Variants in CCDC171 observed in about 807,000 individuals in gnomAD.
CCDC171 encodes the protein coiled-coil domain containing 171, also known as coiled-coil domain-containing protein 171.
Under a neutral mutation model 168.2 loss-of-function variants are expected in CCDC171, and 177 were observed. The observed-to-expected ratio is 1.05, with a 90% confidence interval of 0.93 to 1.19. CCDC171 has a LOEUF of 1.19. Ranked by LOEUF, CCDC171 falls within the 50% of genes most tolerant of loss-of-function variation. The probability of loss-of-function intolerance (pLI) is 0.00; values close to 1 mark genes in which losing one functional copy is unlikely to be tolerated. For synonymous variants in CCDC171, 687 were observed against 540.8 expected, an observed-to-expected ratio of 1.27 and a Z score of -3.75; for missense variants, 1,991 against 1,539.0, an observed-to-expected ratio of 1.29 and a Z score of -4.91.
rs1167702586 is a variant in CCDC171, at chr9:15,770,014, A to G, written c.2672-7586A>G. 5.3e-5 allele frequency among the ~76,000 whole-genome samples: 8 copies of G among 152,210 alleles called. No individual in the cohort carries two copies. In the East Asian group the frequency reaches 1.5e-3, roughly 29 times the overall value. Reference sequence around the variant, plus strand: ...CAAAGATGAACTCATTGACTTTAGGACAAAAAAACTTACCACACTAGATTT... The same window carrying G: ...CAAAGATGAACTCATTGACTTTAGGGCAAAAAAACTTACCACACTAGATTT... On this transcript the variant is annotated intron_variant, in intron 18 of 25. Transcript: ENST00000380701.
intron 6 of CCDC171, among the ~76,000 whole-genome samples, chr9:15,604,846 A>C (rs560891977): frequency 3.3e-5 from 5 of 152,230 alleles, no homozygotes; most frequent in African/African-American, 4.8e-5. Context: ...ATAGTATGCA[A>C]ATACACACAG....
intron 25 of CCDC171, among the ~76,000 whole-genome samples, chr9:15,942,726 C>T (rs575747768): frequency 1.3e-5 from 2 of 151,810 alleles, no homozygotes; most frequent in African/African-American, 4.8e-5. Context: ...ATCATAATTT[C>T]TGCAACAGAT....
chr9:15,564,031 A>C lies in CCDC171; in HGVS notation c.-58A>C, dbSNP rs1396895076. On this transcript the variant is annotated 5_prime_UTR_variant, in exon 2 of 26. Transcript: ENST00000380701. ...GACATCTTGGGCAATTTTAATCATC[A>C]AGAAAGAAATATGTCATTAAGAAAT... 1 of 1,396,978 alleles carries C rather than the reference A, an allele frequency of 7.2e-7. No individual in the cohort carries two copies. The highest frequency in any genetic ancestry group is 1.0e-6 in the Non-Finnish European group (1 of 994,508). 86.5% of individuals were successfully genotyped at this position (1,396,978 alleles called of 1,614,324 possible). A position where few individuals can be genotyped will look rare whatever the true frequency, so the allele number is the denominator to read the frequency against.
chr9:15,895,785 A>G (rs986129223), intron 24 of CCDC171, among the ~76,000 whole-genome samples: 2 of 152,110 alleles, frequency 1.3e-5, no homozygotes, highest in African/African-American at 4.8e-5. Flanking sequence ...TTTGCAACAC[A>G]TTAATAAAGC....
chr9:15,782,919 A>G (rs16933603), intron 20 of CCDC171, among the ~76,000 whole-genome samples: 4,609 of 152,304 alleles, frequency 0.03, 240 homozygotes, highest in African/African-American at 0.1. Flanking sequence ...TGACTCTCTG[A>G]AAATGAGGCA....
chr9:15,729,857 CTTTT>C, intron 16 of CCDC171, 59 bp downstream of exon 16: 1 of 1,193,758 alleles, frequency 8.4e-7, no homozygotes, highest in Non-Finnish European at 1.1e-6. Flanking sequence ...CCATTAGAAA[CTTTT>C]TTTTTTTCAG....
intron 7 of CCDC171, among the ~76,000 whole-genome samples, chr9:15,639,966 T>C (rs2046472481): frequency 6.6e-6 from 1 of 152,188 alleles, no homozygotes; most frequent in South Asian, 2.1e-4. Context: ...GAAATGCTTA[T>C]AGATGTGTCA....
At chr9:15,851,954 T>C (rs2061146897) in intron 23 of CCDC171, among the ~76,000 whole-genome samples, 1 of 151,924 alleles carries the variant, frequency 6.6e-6, no homozygotes, top group African/African-American at 2.4e-5. Context: ...TGTATAGTTA[T>C]ACCACATTTT....
intron 3 of CCDC171, among the ~76,000 whole-genome samples, chr9:16,007,609 A>G (rs1474818089): frequency 2.6e-5 from 4 of 152,174 alleles, no homozygotes; most frequent in Non-Finnish European, 4.4e-5. Context: ...TAATTTTAGT[A>G]TAAGGTGTAA....
In CCDC171 at chr9:15,971,576, A is replaced by G. The variant is rs199688349; in HGVS notation, c.3754-33A>G. 57 of 1,476,500 alleles carry G rather than the reference A, an allele frequency of 3.9e-5. No homozygotes were observed. The East Asian group carries it at 4.5e-4, about 12-fold the overall frequency. 91.5% of individuals were successfully genotyped at this position (1,476,500 alleles called of 1,614,324 possible). ...GCTCTATTTGAGAGTTTTCAACTCT[A>G]TGTTTATTATTTTTTTCTTTTGTAT... On this transcript the variant is annotated intron_variant, in intron 25 of 25. Coordinates refer to ENST00000380701, the MANE Select transcript of CCDC171 (RefSeq NM_173550.4).
rs904091105 is a variant in CCDC171 at position 15,599,963 on chromosome 9, G to C, written c.675+5791G>C. On this transcript the variant is annotated intron_variant, in intron 6 of 25. Transcript: ENST00000380701. The stretch of plus-strand genomic sequence containing the variant: ...ATCGGCTACTGAAGCTTGTGCATTC[G>C]TCACATAGTTCTCTTGCCATGGTTT... Among the ~76,000 whole-genome samples the C allele has an allele frequency of 3.3e-5, 5 of 151,738 alleles. No individual in the cohort carries two copies. The Admixed American group carries it at 3.3e-4, about 10-fold the overall frequency.
At chr9:15,980,982 G>T (rs529278183) in intron 3 of CCDC171, among the ~76,000 whole-genome samples, 1 of 152,060 alleles carries the variant, frequency 6.6e-6, no homozygotes, top group African/African-American at 2.4e-5. Flanking sequence ...AGCAAGTCAC[G>T]TCTTACATGG....
At chr9:15,747,496 G>A (rs1413876928) in intron 18 of CCDC171, among the ~76,000 whole-genome samples, 1 of 152,176 alleles carries the variant, frequency 6.6e-6, no homozygotes, top group Non-Finnish European at 1.5e-5. Flanking sequence ...CCTCTTACAG[G>A]AGAGCTCTGG....
intron 3 of CCDC171, among the ~76,000 whole-genome samples, chr9:16,015,165 C>T (rs1019545689): frequency 1.3e-5 from 2 of 152,144 alleles, no homozygotes; most frequent in Non-Finnish European, 2.9e-5. Flanking sequence ...GTGATTTTAG[C>T]TAGATCCTCT....
At chr9:15,649,077 T>G (rs2047290408) in intron 7 of CCDC171, among the ~76,000 whole-genome samples, 1 of 151,984 alleles carries the variant, frequency 6.6e-6, no homozygotes, top group Non-Finnish European at 1.5e-5. Flanking sequence ...AGAACGGAGC[T>G]CTCAGAAGTA....
intron 23 of CCDC171, among the ~76,000 whole-genome samples, chr9:15,859,277 A>C (rs1399641735): frequency 6.6e-6 from 1 of 151,884 alleles, no homozygotes; most frequent in Non-Finnish European, 1.5e-5. Context: ...TGTGCTTTTG[A>C]ATTCAGTTGC....
At chr9:15,631,148 A>C (rs2045653322) in intron 7 of CCDC171, among the ~76,000 whole-genome samples, 5 of 152,156 alleles carry the variant, frequency 3.3e-5, no homozygotes, top group Admixed American at 3.3e-4. Context: ...AAAAGCTAGC[A>C]GAAGGCAAGA....
intron 21 of CCDC171, among the ~76,000 whole-genome samples, chr9:15,790,155 G>C (rs1244483204): frequency 6.6e-6 from 1 of 152,190 alleles, no homozygotes; most frequent in Non-Finnish European, 1.5e-5. Flanking sequence ...TCTTGTTCTA[G>C]ATACTTGAGG....
intron 1 of CCDC171, among the ~76,000 whole-genome samples, chr9:16,045,247 G>A: frequency 6.6e-6 from 1 of 152,148 alleles, no homozygotes. Flanking sequence ...TAGGAGAGGA[G>A]TGGAGAAATG....
Sources: gnomAD v4.1 joint callset for allele counts (sites outside exome capture counted in the v4.1 genomes callset) on GRCh38, gnomAD v4.1.1 for gene constraint, MANE v1.5 for transcripts, NCBI Gene and HGNC (gene_info 2026-07-23, HGNC 2026-07-21) for gene names.